The following NECAB1 variants were observed in gnomAD, a reference collection of about 807,000 sequenced individuals.
The protein encoded by NECAB1 is N-terminal EF-hand calcium binding protein 1.
In NECAB1, 29 loss-of-function variants were observed where a neutral mutation model predicts 57.5. The ratio of observed to expected loss-of-function variants is 0.50; its 90% CI spans 0.38 to 0.69. The LOEUF is 0.69. Among genes scored for constraint, NECAB1 ranks in the 30% least tolerant of loss-of-function variants. The pLI, the probability that NECAB1 is intolerant of heterozygous loss-of-function variation, is 0.00. For synonymous variants in NECAB1, 142 were observed against 147.7 expected (o/e 0.96, Z 0.28); for missense variants, 372 against 413.8 (o/e 0.90, Z 0.88).
chr8:90,950,915 A>G (rs1228022198), intron 11 of NECAB1, among the ~76,000 whole-genome samples, 198 bp from the exon 12 acceptor site: 1 of 152,170 alleles, frequency 6.6e-6, no homozygotes, highest in East Asian at 1.9e-4. Context: ...CTTTTTAAAA[A>G]AGTTTCTGAT....
intron 5 of NECAB1, among the ~76,000 whole-genome samples, chr8:90,895,012 G>T (rs1230900413): frequency 1.3e-5 from 2 of 152,186 alleles, no homozygotes; most frequent in South Asian, 4.1e-4. Context: ...GAGAACTTCA[G>T]TCTGGTGAAT....
intron 3 of NECAB1, among the ~76,000 whole-genome samples, chr8:90,847,817 A>G (rs1563504023): frequency 6.6e-6 from 1 of 152,098 alleles, no homozygotes; most frequent in African/African-American, 2.4e-5. Context: ...GACACAGAAC[A>G]CCAAGTCCGT....
intron 5 of NECAB1, among the ~76,000 whole-genome samples, chr8:90,898,937 A>G (rs925472709): frequency 6.6e-6 from 1 of 152,214 alleles, no homozygotes; most frequent in African/African-American, 2.4e-5. Context: ...TAGAAACAGA[A>G]GCCAAGTGCA....
intron 3 of NECAB1, among the ~76,000 whole-genome samples, chr8:90,856,610 C>A (rs1407521279): frequency 6.6e-6 from 1 of 152,132 alleles, no homozygotes; most frequent in East Asian, 1.9e-4. Flanking sequence ...CATTTTAAAT[C>A]CACTCATGAA....
At chr8:90,915,308 A>T (rs950790889) in intron 5 of NECAB1, among the ~76,000 whole-genome samples, 6 of 152,058 alleles carry the variant, frequency 3.9e-5, no homozygotes, top group African/African-American at 1.4e-4. Context: ...TTTTCTTTCA[A>T]CCTCAAAGAA....
intron 5 of NECAB1, among the ~76,000 whole-genome samples, chr8:90,888,724 T>C (rs1809074322): frequency 6.6e-6 from 1 of 152,092 alleles, no homozygotes; most frequent in Non-Finnish European, 1.5e-5. Flanking sequence ...AAAAAGAAAA[T>C]GAATATGTGC....
intron 3 of NECAB1, among the ~76,000 whole-genome samples, chr8:90,857,080 GAAAAT>G (rs756486087): frequency 1.3e-4 from 20 of 152,024 alleles, no homozygotes; most frequent in Non-Finnish European, 2.4e-4. Context: ...CTTTTTATCA[GAAAAT>G]ATTTCATAAA....
At chr8:90,831,121 G>T (rs1249894162) in intron 3 of NECAB1, among the ~76,000 whole-genome samples, 2 of 151,984 alleles carry the variant, frequency 1.3e-5, no homozygotes, top group Admixed American at 6.6e-5. Context: ...GGGCCCTCTC[G>T]CTGAGAGGCC....
At chr8:90,872,086 A>G in intron 3 of NECAB1, 42 bp from the exon 4 acceptor site, 1 of 1,482,230 alleles carries the variant, frequency 6.7e-7, no homozygotes, top group Non-Finnish European at 9.2e-7. Context: ...TAAAAATATT[A>G]CCAAAGTAAT....
chr8:90,798,002 C>T (rs570658981), intron 1 of NECAB1, among the ~76,000 whole-genome samples: 6 of 152,188 alleles, frequency 3.9e-5, no homozygotes, highest in South Asian at 4.2e-4. Flanking sequence ...GTGAGAAGGG[C>T]GAAATCAAGC....
chr8:90,836,374 G>A (rs1255206279), intron 3 of NECAB1, among the ~76,000 whole-genome samples: 1 of 152,092 alleles, frequency 6.6e-6, no homozygotes, highest in East Asian at 1.9e-4. Flanking sequence ...AAGAAAACTG[G>A]GCATGAGAAT....
At chr8:90,899,873 T>A (rs946801720) in intron 5 of NECAB1, among the ~76,000 whole-genome samples, 3 of 152,180 alleles carry the variant, frequency 2.0e-5, no homozygotes, top group African/African-American at 7.2e-5. Flanking sequence ...AGAATAGTTC[T>A]GAAAATATTA....
At position 90,850,129 on chromosome 8, in the gene NECAB1, C is replaced by G. The variant is rs144768413; in HGVS notation, c.234-21999C>G. On this transcript the variant is annotated intron_variant, in intron 3 of 12. Coordinates refer to ENST00000417640, the MANE Select transcript of NECAB1 (RefSeq NM_022351.5). ...ACTTCTTCCAGTTGTCAGCAAGGAA[C>G]AGAGAGAGAGATAAAAGTAGAGATG... Among the ~76,000 whole-genome samples, 10 of 152,034 alleles carry G rather than the reference C, an allele frequency of 6.6e-5. No homozygotes were observed. In the East Asian group the frequency reaches 1.7e-3, roughly 26 times the overall value.
At chr8:90,856,939 T>A (rs943703740) in intron 3 of NECAB1, among the ~76,000 whole-genome samples, 3 of 152,358 alleles carry the variant, frequency 2.0e-5, no homozygotes, top group African/African-American at 7.2e-5. Flanking sequence ...GAAAGTTGTC[T>A]AATCTCTAAA....
At chr8:90,910,925 G>A (rs562012510) in intron 5 of NECAB1, among the ~76,000 whole-genome samples, 2 of 152,208 alleles carry the variant, frequency 1.3e-5, no homozygotes, top group East Asian at 3.9e-4. Context: ...TGCATCTCTT[G>A]TGGCTGTCAG....
chr8:90,904,929 A>G (rs1809602342), intron 5 of NECAB1, among the ~76,000 whole-genome samples: 1 of 152,168 alleles, frequency 6.6e-6, no homozygotes, highest in South Asian at 2.1e-4. Context: ...ACAAAAATCA[A>G]TCCCAGTTTA....
At chr8:90,915,713 A>AT (rs1809934646) in intron 5 of NECAB1, among the ~76,000 whole-genome samples, 1 of 152,206 alleles carries the variant, frequency 6.6e-6, no homozygotes, top group Non-Finnish European at 1.5e-5. Context: ...CAAGGAAGCC[A>AT]GTGGTGGATC....
At chr8:90,883,232 GTC>G (rs1808886067) in intron 5 of NECAB1, among the ~76,000 whole-genome samples, 1 of 151,852 alleles carries the variant, frequency 6.6e-6, no homozygotes, top group African/African-American at 2.4e-5. Flanking sequence ...AAAAACATAT[GTC>G]TCTGATTTAA....
intron 3 of NECAB1, among the ~76,000 whole-genome samples, chr8:90,854,186 T>C (rs550007360): frequency 1.8e-4 from 28 of 152,314 alleles, no homozygotes; most frequent in African/African-American, 6.7e-4. Context: ...ATTAGTTCTA[T>C]TGGAAAATTG....
Sources: gnomAD v4.1 joint callset for allele counts (sites outside exome capture counted in the v4.1 genomes callset) on GRCh38, gnomAD v4.1.1 for gene constraint, MANE v1.5 for transcripts, NCBI Gene and HGNC (gene_info 2026-07-23, HGNC 2026-07-21) for gene names.